Variants in RIMS1 observed in about 807,000 individuals in gnomAD.
RIMS1 encodes regulating synaptic membrane exocytosis 1, also known as regulating synaptic membrane exocytosis protein 1.
A neutral mutation model predicts 214.1 loss-of-function variants in RIMS1; 83 were observed. The observed-to-expected ratio is 0.39, with a 90% CI of 0.32 to 0.47. RIMS1 has a LOEUF of 0.47. RIMS1 is among the 20% of genes least tolerant of loss of function. RIMS1 has a pLI of 0.99. For synonymous variants in RIMS1, 793 were observed against 786.8 expected (o/e 1.01, Z -0.13); for missense variants, 2,050 against 2,161.8 (o/e 0.95, Z 1.03).
intron 2 of RIMS1, among the ~76,000 whole-genome samples, chr6:71,979,739 A>G (rs554960843): frequency 6.6e-6 from 1 of 152,200 alleles, no homozygotes; most frequent in South Asian, 2.1e-4. Context: ...ATTCCATGAC[A>G]TACTACCCCA....
intron 1 of RIMS1, among the ~76,000 whole-genome samples, chr6:71,946,330 C>A (rs942016819): frequency 1.3e-5 from 2 of 152,140 alleles, no homozygotes; most frequent in African/African-American, 4.8e-5. Context: ...CCAAAGCAAT[C>A]TTGAACAAGA....
intron 6 of RIMS1, among the ~76,000 whole-genome samples, chr6:72,199,395 AT>A (rs1313258065): frequency 6.6e-6 from 1 of 152,132 alleles, no homozygotes. Flanking sequence ...ACCCTTGCAC[AT>A]TATTGCCATT....
intron 2 of RIMS1, among the ~76,000 whole-genome samples, chr6:72,059,206 G>C (rs1214342439): frequency 1.3e-5 from 2 of 152,126 alleles, no homozygotes; most frequent in Non-Finnish European, 2.9e-5. Context: ...AACTATGACA[G>C]GTTTCTGCTA....
At chr6:71,983,949 T>A (rs1280560749) in intron 2 of RIMS1, among the ~76,000 whole-genome samples, 1 of 152,262 alleles carries the variant, frequency 6.6e-6, no homozygotes, top group African/African-American at 2.4e-5. Context: ...TGTCTGGATT[T>A]CATGGCATTT....
chr6:72,139,874 TA>T (rs1429115609), intron 4 of RIMS1, among the ~76,000 whole-genome samples: 1 of 152,202 alleles, frequency 6.6e-6, no homozygotes, highest in African/African-American at 2.4e-5. Flanking sequence ...CCAAATCACC[TA>T]AACAAATTCT....
intron 2 of RIMS1, among the ~76,000 whole-genome samples, chr6:72,026,421 T>C (rs1195899737): frequency 6.6e-6 from 1 of 151,318 alleles, no homozygotes; most frequent in East Asian, 2.0e-4. Flanking sequence ...GACTCAAAAA[T>C]TCTGTGCCTA....
chr6:72,355,448 G>A (rs1248890811), intron 29 of RIMS1, among the ~76,000 whole-genome samples: 1 of 152,014 alleles, frequency 6.6e-6, no homozygotes, highest in Non-Finnish European at 1.5e-5. Flanking sequence ...AATATATTTG[G>A]GGTTGTAAAG....
At chr6:72,365,759 T>C (rs1281921151) in intron 29 of RIMS1, 1 of 152,246 alleles carries the variant, frequency 6.6e-6, no homozygotes, top group Non-Finnish European at 1.5e-5. Context: ...CTAATGTTTT[T>C]AATTCCTTAG....
chr6:72,263,460 C>A, intron 19 of RIMS1: 1 of 976,224 alleles, frequency 1.0e-6, no homozygotes, highest in Non-Finnish European at 1.2e-6. Context: ...AGGTCACAGC[C>A]AATAAGTGGC....
chr6:72,010,468 A>G (rs1810002389), intron 2 of RIMS1, among the ~76,000 whole-genome samples: 1 of 152,224 alleles, frequency 6.6e-6, no homozygotes, highest in African/African-American at 2.4e-5. Context: ...TAATGTTGGA[A>G]GTTCTGGCCA....
chr6:72,271,610 C>T (rs2083430350), intron 22 of RIMS1, among the ~76,000 whole-genome samples: 2 of 151,934 alleles, frequency 1.3e-5, no homozygotes, highest in African/African-American at 4.8e-5. Flanking sequence ...ATTAATAATA[C>T]ACATATACAT....
intron 23 of RIMS1, among the ~76,000 whole-genome samples, chr6:72,283,574 C>CTTTT (rs2091176497): frequency 6.6e-6 from 1 of 151,986 alleles, no homozygotes; most frequent in African/African-American, 2.4e-5. Flanking sequence ...CTTTTCTTCA[C>CTTTT]AATTTGTGGG....
At chr6:72,270,724 G>T (rs529849814) in intron 22 of RIMS1, among the ~76,000 whole-genome samples, 1 of 152,274 alleles carries the variant, frequency 6.6e-6, no homozygotes, top group South Asian at 2.1e-4. Context: ...TTACAAGTTT[G>T]TTTGTTGTGC....
At chr6:72,085,436 T>C (rs1562276607) in intron 2 of RIMS1, among the ~76,000 whole-genome samples, 1 of 152,188 alleles carries the variant, frequency 6.6e-6, no homozygotes, top group Admixed American at 6.5e-5. Flanking sequence ...TTTTAAACAG[T>C]GATGGATATC....
At chr6:72,380,081 G>A (rs2098459375) in intron 29 of RIMS1, among the ~76,000 whole-genome samples, 1 of 152,186 alleles carries the variant, frequency 6.6e-6, no homozygotes, top group African/African-American at 2.4e-5. Flanking sequence ...AAAAGGATGA[G>A]TTCATGTCCT....
chr6:72,356,328 TG>T (rs2097643598), intron 29 of RIMS1, among the ~76,000 whole-genome samples: 1 of 152,082 alleles, frequency 6.6e-6, no homozygotes, highest in African/African-American at 2.4e-5. Context: ...AATGATGTTC[TG>T]TGTTTCTTAA....
chr6:71,894,779 T>C (rs1049212097), intron 1 of RIMS1, among the ~76,000 whole-genome samples: 4 of 152,214 alleles, frequency 2.6e-5, no homozygotes, highest in African/African-American at 9.6e-5. Flanking sequence ...ATTCCTCTGA[T>C]GTTTAGATAG....
At position 72,251,364 on chromosome 6, in the gene RIMS1, A is replaced by G. The variant is rs750439884; in HGVS notation, c.2694A>G (p.Leu898=). 8.8e-6 allele frequency: 14 copies of G among 1,589,672 alleles called. No homozygotes were observed. Among genetic ancestry groups the G allele is most frequent in the Admixed American group, 1.8e-5 (1 of 56,766 alleles). The change falls in exon 15 of 34, where the codon CTA becomes CTG. Residue 898 remains leucine, a synonymous_variant. Coordinates refer to ENST00000521978, the MANE Select transcript of RIMS1 (RefSeq NM_014989.7). ...HIHGESSSKK[L]QRSQRISDSD... is the part of the protein sequence containing the mutation. ...ATGGAGAAAGCTCTAGCAAAAAGCT[A>G]CAAAGTAGGTTAAGGTCCTTTTAGT...
intron 23 of RIMS1, among the ~76,000 whole-genome samples, chr6:72,274,691 G>A (rs1312711302): frequency 2.0e-5 from 3 of 152,096 alleles, no homozygotes; most frequent in South Asian, 4.1e-4. Context: ...ATTTGATTGT[G>A]TTTTGAATTT....
Sources: allele counts gnomAD v4.1 joint callset (sites outside exome capture counted in the v4.1 genomes callset), GRCh38; gene constraint gnomAD v4.1.1; transcripts MANE v1.5; gene names NCBI Gene and HGNC (gene_info 2026-07-23, HGNC 2026-07-21).